CDH7: variants seen among roughly 807,000 people sequenced by gnomAD.
CDH7 encodes cadherin 7, also known as cadherin-7.
In CDH7, 25 loss-of-function variants were observed where a neutral mutation model predicts 71.8. The ratio of observed to expected loss-of-function variants is 0.35; its 90% CI spans 0.25 to 0.49. The LOEUF (loss-of-function observed/expected upper bound fraction) is 0.49, where lower values mean the gene tolerates loss of function less well. Ranked by LOEUF, CDH7 falls within the 20% of genes least tolerant of loss-of-function variation. The pLI is 0.99. For missense variants in CDH7, 862 were observed against 974.6 expected (o/e 0.88, Z 1.54); for synonymous variants, 381 against 363.8 (o/e 1.05, Z -0.54).
intron 2 of CDH7, among the ~76,000 whole-genome samples, chr18:65,784,049 T>G (rs766097938): frequency 5.3e-5 from 8 of 150,952 alleles, no homozygotes; most frequent in Non-Finnish European, 1.2e-4. Flanking sequence ...CCTTCCTGGC[T>G]CTAGGGATGC....
chr18:65,838,906 G>C (rs1025141140), intron 6 of CDH7, among the ~76,000 whole-genome samples: 2 of 152,130 alleles, frequency 1.3e-5, no homozygotes, highest in African/African-American at 2.4e-5. Context: ...CTTTCCATTT[G>C]CTTATAATCT....
chr18:65,797,780 A>G (rs901055751), intron 2 of CDH7, among the ~76,000 whole-genome samples: 1 of 152,114 alleles, frequency 6.6e-6, no homozygotes, highest in Non-Finnish European at 1.5e-5. Flanking sequence ...AGACATGCTT[A>G]TTTTCCCTCT....
chr18:65,859,971 C>T, intron 10 of CDH7, 146 bp downstream of exon 10: 2 of 561,828 alleles, frequency 3.6e-6, no homozygotes, highest in Non-Finnish European at 6.3e-6. Flanking sequence ...TAATTTTTAT[C>T]TATGGATTTA....
chr18:65,859,029 A>T lies in CDH7; in HGVS notation c.1477A>T (p.Asn493Tyr). Reference sequence around the variant, plus strand: ...GGACTATGAGACCACCGTCTGTGAAAATGCCCAGCCGGGGCAGGTAAGAGT... The same window carrying T: ...GGACTATGAGACCACCGTCTGTGAATATGCCCAGCCGGGGCAGGTAAGAGT... ...AMDYETTVCENAQPGQVIQKI... is the reference protein window; with the variant it reads ...AMDYETTVCEYAQPGQVIQKI... The change falls in exon 9 of 12, where the codon AAT becomes TAT. Residue 493 changes from asparagine to tyrosine, a missense_variant. Coordinates refer to ENST00000397968, the MANE Select transcript of CDH7 (RefSeq NM_004361.5). The T allele has an allele frequency of 6.2e-7, 1 of 1,613,570 alleles. No homozygotes were observed. Among genetic ancestry groups the T allele is most frequent in the Non-Finnish European group, 8.5e-7 (1 of 1,179,580 alleles).
At position 65,887,712 on chromosome 18, in the gene CDH7, T is replaced by C. The variant is rs1233355501; in HGVS notation, c.*6818T>C. ...ACTTTTAAATATTTTCTTTTTAGCTTTTAAGATGTCTATTAGATCCAACCT... is the reference window on the plus strand; with the variant it reads ...ACTTTTAAATATTTTCTTTTTAGCTCTTAAGATGTCTATTAGATCCAACCT... On this transcript the variant is annotated 3_prime_UTR_variant, in exon 12 of 12. Transcript: ENST00000397968. The C allele has an allele frequency of 1.3e-5, 2 of 152,142 alleles. No homozygotes were observed. The highest frequency in any genetic ancestry group is 2.4e-5 in the African/African-American group (1 of 41,450). 9.4% of individuals were successfully genotyped at this position (152,142 alleles called of 1,614,324 possible).
In CDH7 at chr18:65,853,920, T is replaced by TATATATATATCC. The variant is rs1555689476; in HGVS notation, c.1236-3886_1236-3885insCCATATATATAT. ...TCATAAATTACCATATATATATATATATATATATATATATATATATATATA... is the reference window on the plus strand; with the variant it reads ...TCATAAATTACCATATATATATATATATATATATATCCATATATATATATATATATATATATA... On this transcript the variant is annotated intron_variant, in intron 7 of 11. Transcript: ENST00000397968. Among the ~76,000 whole-genome samples the TATATATATATCC allele has an allele frequency of 1.6e-3, 110 of 70,572 alleles. 5 individuals carry two copies. The highest frequency in any genetic ancestry group is 7.8e-3 in the African/African-American group (103 of 13,238). 46.3% of individuals were successfully genotyped at this position (70,572 alleles called of 152,430 possible).
At chr18:65,863,069 A>C (rs894036930) in intron 11 of CDH7, 152 bp downstream of exon 11, 4 of 829,164 alleles carry the variant, frequency 4.8e-6, no homozygotes, top group Non-Finnish European at 7.4e-6. Flanking sequence ...ACGGGGTCTC[A>C]CTCTGTTGCC....
At chr18:65,768,144 GT>G (rs1916432387) in intron 2 of CDH7, among the ~76,000 whole-genome samples, 1 of 151,562 alleles carries the variant, frequency 6.6e-6, no homozygotes, top group South Asian at 2.1e-4. Context: ...CAATGTTTGT[GT>G]TTATGTGCAA....
chr18:65,789,366 C>T (rs954720940), intron 2 of CDH7, among the ~76,000 whole-genome samples: 7 of 152,066 alleles, frequency 4.6e-5, no homozygotes, highest in Non-Finnish European at 1.0e-4. Context: ...TCTGTTTAGG[C>T]GTCTGTAATT....
In CDH7 at chr18:65,852,854, G is replaced by C. The variant is rs28588660; in HGVS notation, c.1236-4962G>C. Among the ~76,000 whole-genome samples the C allele has an allele frequency of 2.2e-3, 332 of 152,184 alleles. 1 individual carries two copies. Among genetic ancestry groups the C allele is most frequent in the African/African-American group, 7.8e-3 (322 of 41,520 alleles). On this transcript the variant is annotated intron_variant, in intron 7 of 11. Transcript: ENST00000397968. The stretch of plus-strand genomic sequence containing the variant: ...TTTGTTTGAGAATTAAGGAAAAAAG[G>C]TAAACTATATTTTAAATATTATATC...
chr18:65,843,179 A>G (rs2143989073), intron 6 of CDH7, among the ~76,000 whole-genome samples: 1 of 152,286 alleles, frequency 6.6e-6, no homozygotes, highest in East Asian at 1.9e-4. Context: ...ATTAGATACA[A>G]TGTAAAGATT....
intron 2 of CDH7, among the ~76,000 whole-genome samples, chr18:65,791,505 G>A (rs1734221148): frequency 6.6e-6 from 1 of 152,136 alleles, no homozygotes; most frequent in South Asian, 2.1e-4. Flanking sequence ...AAGTTAAGCC[G>A]AGAGAAAGTT....
At chr18:65,805,435 G>A (rs989645504) in intron 2 of CDH7, among the ~76,000 whole-genome samples, 2 of 152,116 alleles carry the variant, frequency 1.3e-5, no homozygotes, top group Non-Finnish European at 2.9e-5. Context: ...AGTCAGATTG[G>A]GACTCATGCC....
At chr18:65,877,979 G>A (rs560928415) in intron 11 of CDH7, among the ~76,000 whole-genome samples, 2 of 152,160 alleles carry the variant, frequency 1.3e-5, no homozygotes, top group South Asian at 2.1e-4. Context: ...TAAACAGTGC[G>A]GGGGCTTTGA....
At chr18:65,815,998 T>G (rs1911710948) in intron 4 of CDH7, among the ~76,000 whole-genome samples, 1 of 152,188 alleles carries the variant, frequency 6.6e-6, no homozygotes, top group African/African-American at 2.4e-5. Context: ...CTGCTACTAA[T>G]GATTGGCTTA....
intron 7 of CDH7, among the ~76,000 whole-genome samples, chr18:65,847,128 C>T (rs962004074): frequency 2.6e-5 from 4 of 152,016 alleles, no homozygotes; most frequent in Non-Finnish European, 5.9e-5. Flanking sequence ...AAATGTAAAT[C>T]CTGTCTCATA....
At chr18:65,806,400 T>A (rs1478360329) in intron 2 of CDH7, among the ~76,000 whole-genome samples, 1 of 150,872 alleles carries the variant, frequency 6.6e-6, no homozygotes, top group Non-Finnish European at 1.5e-5. Flanking sequence ...TAATAGAGAT[T>A]TTTTTTTTGT....
chr18:65,796,480 A>T (rs958884187), intron 2 of CDH7, among the ~76,000 whole-genome samples: 1 of 152,284 alleles, frequency 6.6e-6, no homozygotes, highest in South Asian at 2.1e-4. Context: ...AGTTCCTGGG[A>T]TGTACAATAT....
chr18:65,871,398 G>A (rs1044239618), intron 11 of CDH7, among the ~76,000 whole-genome samples: 15 of 152,204 alleles, frequency 9.9e-5, no homozygotes, highest in Middle Eastern at 3.4e-3. Flanking sequence ...GAGAAGTAAA[G>A]GATCTCACCT....
Sources: gnomAD v4.1 joint callset for allele counts (sites outside exome capture counted in the v4.1 genomes callset) on GRCh38, gnomAD v4.1.1 for gene constraint, MANE v1.5 for transcripts, NCBI Gene and HGNC (gene_info 2026-07-23, HGNC 2026-07-21) for gene names.